The following ANK3 variants were observed in gnomAD, a reference collection of about 807,000 sequenced individuals.
ANK3 encodes ankyrin-3.
Under a neutral mutation model 370.9 loss-of-function variants are expected in ANK3, and 57 were observed. The ratio of observed to expected loss-of-function variants is 0.15; its 90% CI spans 0.12 to 0.19. ANK3 has a LOEUF of 0.19. ANK3 is among the 10% of genes least tolerant of loss of function. The pLI, the probability that ANK3 is intolerant of heterozygous loss-of-function variation, is 1.00. For synonymous variants in ANK3, 1,929 were observed against 1,946.3 expected, an observed-to-expected ratio of 0.99 and a Z score of 0.23; for missense variants, 4,439 against 5,302.1, an observed-to-expected ratio of 0.84 and a Z score of 5.06.
At chr10:60,690,976 A>G (rs781050774) in intron 1 of ANK3, among the ~76,000 whole-genome samples, 6 of 152,142 alleles carry the variant, frequency 3.9e-5, no homozygotes, top group Non-Finnish European at 7.4e-5. Flanking sequence ...CTATTTTTTA[A>G]CTCCTGGATT....
At chr10:60,102,908 T>A (rs1450628872) in intron 28 of ANK3, among the ~76,000 whole-genome samples, 1 of 152,204 alleles carries the variant, frequency 6.6e-6, no homozygotes. Context: ...CAGATAAAGC[T>A]TAATTGTTAT....
At chr10:60,177,215 A>G (rs2095992379) in intron 18 of ANK3, among the ~76,000 whole-genome samples, 1 of 152,138 alleles carries the variant, frequency 6.6e-6, no homozygotes, top group Admixed American at 6.5e-5. Flanking sequence ...TGTAAAATGG[A>G]GTGGATCCCG....
chr10:60,428,456 G>T (rs2063938576), intron 2 of ANK3, among the ~76,000 whole-genome samples: 1 of 152,082 alleles, frequency 6.6e-6, no homozygotes, highest in Admixed American at 6.6e-5. Flanking sequence ...AAAATAAGCT[G>T]CCCCTTACAA....
At chr10:60,407,880 C>T (rs1594968312) in intron 2 of ANK3, among the ~76,000 whole-genome samples, 1 of 152,298 alleles carries the variant, frequency 6.6e-6, no homozygotes, top group Non-Finnish European at 1.5e-5. Context: ...ATGTTTGCCC[C>T]ATCTCTGCCA....
intron 36 of ANK3, among the ~76,000 whole-genome samples, chr10:60,077,076 G>A (rs2084010321): frequency 6.6e-6 from 1 of 152,150 alleles, no homozygotes; most frequent in African/African-American, 2.4e-5. Context: ...ACAGGCAACT[G>A]ATGTGCAAAC....
rs546250671 is a variant in ANK3 at position 60,693,148 on chromosome 10, C to T, written c.57+40115G>A. Among the ~76,000 whole-genome samples, 7 of 152,300 alleles carry T rather than the reference C, an allele frequency of 4.6e-5. No homozygotes were observed. In the East Asian group the frequency reaches 1.2e-3, roughly 25 times the overall value. On this transcript the variant is annotated intron_variant, in intron 1 of 43. Transcript: ENST00000373827. The stretch of plus-strand genomic sequence containing the variant: ...AGTCAAAGAAAGGGGTGACAGACAG[C>T]ACCTGGAAAATCGGGTCACTCCCAC...
intron 2 of ANK3, among the ~76,000 whole-genome samples, chr10:60,556,506 A>T (rs755810057): frequency 5.3e-5 from 8 of 152,168 alleles, no homozygotes; most frequent in Non-Finnish European, 8.8e-5. Context: ...ACCTGCTGCC[A>T]TTGACTAAAA....
At chr10:60,341,126 T>A (rs1259872139) in intron 1 of ANK3, among the ~76,000 whole-genome samples, 1 of 152,146 alleles carries the variant, frequency 6.6e-6, no homozygotes, top group Non-Finnish European at 1.5e-5. Flanking sequence ...TCCTGAGAAT[T>A]CTGATCTTTC....
intron 1 of ANK3, among the ~76,000 whole-genome samples, chr10:60,705,829 T>C (rs568092981): frequency 0.11 from 15,085 of 143,580 alleles, 975 homozygotes; most frequent in East Asian, 0.24. Context: ...TCTTTCTTTT[T>C]TTTTTTTTTT....
chr10:60,211,243 A>C (rs1490706057), intron 9 of ANK3, among the ~76,000 whole-genome samples: 1 of 151,206 alleles, frequency 6.6e-6, no homozygotes, highest in East Asian at 2.0e-4. Context: ...TGCTAGCCTG[A>C]AGGACACCAG....
intron 2 of ANK3, among the ~76,000 whole-genome samples, chr10:60,426,210 C>T (rs985497371): frequency 6.6e-6 from 1 of 152,006 alleles, no homozygotes; most frequent in Non-Finnish European, 1.5e-5. Flanking sequence ...TCCAGTTTGG[C>T]CAATAAAACT....
intron 1 of ANK3, among the ~76,000 whole-genome samples, chr10:60,660,777 A>T (rs145990950): frequency 2.0e-5 from 3 of 152,256 alleles, no homozygotes; most frequent in East Asian, 1.9e-4. Context: ...TAGGGATAGG[A>T]TGGGGGAGCA....
intron 2 of ANK3, among the ~76,000 whole-genome samples, chr10:60,438,266 T>C (rs1281872246): frequency 6.6e-6 from 1 of 152,042 alleles, no homozygotes; most frequent in Non-Finnish European, 1.5e-5. Context: ...TATATATGTA[T>C]GTATGTATGT....
At chr10:60,325,926 A>G (rs937533922) in intron 1 of ANK3, among the ~76,000 whole-genome samples, 1 of 152,232 alleles carries the variant, frequency 6.6e-6, no homozygotes, top group Non-Finnish European at 1.5e-5. Context: ...TGGTACATAT[A>G]CACCATGGGA....
At chr10:60,204,464 A>G (rs1375429153) in intron 11 of ANK3, among the ~76,000 whole-genome samples, 3 of 152,238 alleles carry the variant, frequency 2.0e-5, no homozygotes, top group South Asian at 2.1e-4. Context: ...ATATGAACCC[A>G]TAAGCCTGAC....
upstream of ANK3, chr10:60,389,879 T>C: frequency 9.5e-7 from 1 of 1,048,372 alleles, no homozygotes; most frequent in Non-Finnish European, 1.1e-6. Flanking sequence ...GTCTAAGTGA[T>C]TCCTCGGAAG....
chr10:60,286,875 T>A (rs1327082811), intron 1 of ANK3, among the ~76,000 whole-genome samples: 1 of 152,098 alleles, frequency 6.6e-6, no homozygotes, highest in Non-Finnish European at 1.5e-5. Flanking sequence ...TGGCTTGAGG[T>A]TTTTTGTTTT....
At chr10:60,589,136 T>C (rs945522205) in intron 2 of ANK3, among the ~76,000 whole-genome samples, 3 of 152,212 alleles carry the variant, frequency 2.0e-5, no homozygotes, top group African/African-American at 7.2e-5. Flanking sequence ...GTGTGTAGCA[T>C]TTTATTAAGG....
At chr10:60,314,790 G>A (rs1044524572) in intron 1 of ANK3, among the ~76,000 whole-genome samples, 5 of 152,114 alleles carry the variant, frequency 3.3e-5, no homozygotes, top group Non-Finnish European at 5.9e-5. Flanking sequence ...AAGAAAGGCT[G>A]TAAATCTGGA....
Sources: gnomAD v4.1 joint callset for allele counts (sites outside exome capture counted in the v4.1 genomes callset) on GRCh38, gnomAD v4.1.1 for gene constraint, MANE v1.5 for transcripts, NCBI Gene and HGNC (gene_info 2026-07-23, HGNC 2026-07-21) for gene names.